LRBA: variants seen among roughly 807,000 people sequenced by gnomAD.
LRBA encodes the protein lipopolysaccharide-responsive and beige-like anchor protein.
LRBA carries 176 observed loss-of-function variants against 330.0 expected under a neutral mutation model. The ratio of observed to expected loss-of-function variants is 0.53; its 90% CI spans 0.47 to 0.60. LRBA has a LOEUF of 0.60. LRBA is among the 20% of genes least tolerant of loss of function. LRBA has a pLI of 0.00. For synonymous variants in LRBA, 1,230 were observed against 1,193.0 expected (o/e 1.03, Z -0.64); for missense variants, 3,259 against 3,444.8 (o/e 0.95, Z 1.35).
intron 40 of LRBA, among the ~76,000 whole-genome samples, chr4:150,543,656 C>T (rs1765550692): frequency 6.6e-6 from 1 of 152,114 alleles, no homozygotes; most frequent in Admixed American, 6.6e-5. Context: ...ATTAGATTTA[C>T]ATATATGGTC....
At chr4:150,518,903 T>C (rs1455330090) in intron 40 of LRBA, among the ~76,000 whole-genome samples, 1 of 152,154 alleles carries the variant, frequency 6.6e-6, no homozygotes, top group Non-Finnish European at 1.5e-5. Context: ...TACTGTGGGT[T>C]TGTTTGCTTT....
intron 54 of LRBA, among the ~76,000 whole-genome samples, chr4:150,285,542 G>T (rs944728527): frequency 2.0e-5 from 3 of 152,162 alleles, no homozygotes; most frequent in African/African-American, 7.2e-5. Flanking sequence ...TAGCTCAGAA[G>T]AATAAACAAA....
At chr4:150,745,379 C>T (rs933557369) in intron 35 of LRBA, among the ~76,000 whole-genome samples, 14 of 151,484 alleles carry the variant, frequency 9.2e-5, no homozygotes, top group African/African-American at 2.9e-4. Flanking sequence ...CAATAATCTA[C>T]TAAAGATGAA....
At chr4:150,491,115 A>G in intron 40 of LRBA, 80 bp from the exon 41 acceptor site, 1 of 597,260 alleles carries the variant, frequency 1.7e-6, no homozygotes. Context: ...TAAAATAGAA[A>G]AGACCCTATT....
intron 48 of LRBA, among the ~76,000 whole-genome samples, chr4:150,330,151 T>C (rs1733801110): frequency 6.6e-6 from 1 of 152,098 alleles, no homozygotes; most frequent in South Asian, 2.1e-4. Flanking sequence ...ATTCTATCTA[T>C]TACCTTATAC....
chr4:150,823,358 C>A (rs1236563490), intron 30 of LRBA, among the ~76,000 whole-genome samples: 1 of 152,108 alleles, frequency 6.6e-6, no homozygotes, highest in Non-Finnish European at 1.5e-5. Context: ...ATTATTAGAA[C>A]CCTTGTCAGT....
At chr4:150,787,709 AATT>A (rs145011225) in intron 34 of LRBA, among the ~76,000 whole-genome samples, 4,934 of 152,300 alleles carry the variant, frequency 0.032, 220 homozygotes, top group African/African-American at 0.11. Context: ...TGTACAATTG[AATT>A]ATTATTGACC....
At chr4:150,794,027 T>C (rs985594155) in intron 34 of LRBA, among the ~76,000 whole-genome samples, 1 of 152,188 alleles carries the variant, frequency 6.6e-6, no homozygotes, top group African/African-American at 2.4e-5. Context: ...ATACCAATTA[T>C]AGATATGATC....
At position 150,663,934 on chromosome 4, in the gene LRBA, G is replaced by C. The variant is rs2126836729; in HGVS notation, c.5921+19617C>G. ...TGAAAGACAAATGGGAACTCACCAAGAAGATAACATGGGAACAGAACTGAA... is the reference window on the plus strand; with the variant it reads ...TGAAAGACAAATGGGAACTCACCAACAAGATAACATGGGAACAGAACTGAA... On this transcript the variant is annotated intron_variant, in intron 37 of 56. Transcript: ENST00000651943. 1.3e-5 allele frequency among the ~76,000 whole-genome samples: 2 copies of C among 152,236 alleles called. 1 individual carries two copies. The highest frequency in any genetic ancestry group is 4.1e-4 in the South Asian group (2 of 4,820).
chr4:150,452,847 T>A (rs1017130530), intron 44 of LRBA, among the ~76,000 whole-genome samples: 2 of 152,144 alleles, frequency 1.3e-5, no homozygotes, highest in African/African-American at 4.8e-5. Context: ...CTGCTAGTAA[T>A]AATAATTGAG....
chr4:150,480,674 T>C (rs550507878), intron 42 of LRBA, among the ~76,000 whole-genome samples: 1 of 152,266 alleles, frequency 6.6e-6, no homozygotes, highest in African/African-American at 2.4e-5. Flanking sequence ...ATAATTGTGA[T>C]TGGAATATAA....
At chr4:150,513,594 AG>A (rs1762051128) in intron 40 of LRBA, among the ~76,000 whole-genome samples, 1 of 152,202 alleles carries the variant, frequency 6.6e-6, no homozygotes, top group Admixed American at 6.5e-5. Flanking sequence ...GGAGTTCTGG[AG>A]GCTGGGAAGT....
intron 34 of LRBA, among the ~76,000 whole-genome samples, chr4:150,765,479 CAAGA>C (rs1218341945): frequency 6.6e-6 from 1 of 151,974 alleles, no homozygotes; most frequent in African/African-American, 2.4e-5. Flanking sequence ...AGAATGCTGA[CAAGA>C]GAGAAGGCTA....
intron 47 of LRBA, among the ~76,000 whole-genome samples, chr4:150,372,862 A>C (rs1740604989): frequency 6.6e-6 from 1 of 151,106 alleles, no homozygotes; most frequent in South Asian, 2.1e-4. Context: ...GTAAGCAATA[A>C]GATAGTGCAG....
intron 40 of LRBA, among the ~76,000 whole-genome samples, chr4:150,553,019 A>G (rs1427201917): frequency 6.6e-6 from 1 of 151,778 alleles, no homozygotes; most frequent in East Asian, 1.9e-4. Context: ...CAGTGAGCCG[A>G]GATCATGCCA....
intron 40 of LRBA, chr4:150,579,199 G>A (rs1040897803): frequency 1.3e-5 from 6 of 456,700 alleles, no homozygotes; most frequent in Non-Finnish European, 2.6e-5. Context: ...AGGAGCTGCT[G>A]ATGGACTTCT....
intron 37 of LRBA, among the ~76,000 whole-genome samples, chr4:150,670,485 G>A (rs561717478): frequency 3.0e-4 from 46 of 152,164 alleles, no homozygotes; most frequent in Non-Finnish European, 6.5e-4. Flanking sequence ...GGCACCACAA[G>A]ATAATCTTAT....
At chr4:150,683,762 C>T in intron 36 of LRBA, 45 bp from the exon 37 acceptor site, 1 of 1,381,392 alleles carries the variant, frequency 7.2e-7, no homozygotes, top group Non-Finnish European at 9.9e-7. Context: ...GTGAAAAAAA[C>T]CTTTAAAATC....
At chr4:150,979,109 T>G (rs1482042233) in intron 2 of LRBA, among the ~76,000 whole-genome samples, 1 of 151,844 alleles carries the variant, frequency 6.6e-6, no homozygotes, top group African/African-American at 2.4e-5. Context: ...CTCCCAAAGA[T>G]CAATAATAAG....
Sources: gnomAD v4.1 joint callset for allele counts (sites outside exome capture counted in the v4.1 genomes callset) on GRCh38, gnomAD v4.1.1 for gene constraint, MANE v1.5 for transcripts, NCBI Gene and HGNC (gene_info 2026-07-23, HGNC 2026-07-21) for gene names.